Variants in KIAA1217 observed in about 807,000 individuals in gnomAD.
The protein encoded by KIAA1217 is KIAA1217.
KIAA1217 carries 88 observed loss-of-function variants against 163.9 expected under a neutral mutation model. That is an observed-to-expected ratio of 0.54 (90% confidence interval 0.45 to 0.64). The LOEUF is 0.64. KIAA1217 is among the 30% of genes least tolerant of loss of function. The pLI is 0.00. For missense variants in KIAA1217, 2,372 were observed against 2,475.0 expected, an observed-to-expected ratio of 0.96 and a Z score of 0.88; for synonymous variants, 903 against 923.1, an observed-to-expected ratio of 0.98 and a Z score of 0.39.
chr10:24,436,544 G>A (rs938919311), intron 4 of KIAA1217, among the ~76,000 whole-genome samples: 7 of 151,332 alleles, frequency 4.6e-5, no homozygotes, highest in Admixed American at 3.3e-4. Flanking sequence ...GGATCACGAG[G>A]TCAGGAGATC....
At chr10:23,740,013 T>C (rs769782652) in intron 1 of KIAA1217, among the ~76,000 whole-genome samples, 33 of 147,944 alleles carry the variant, frequency 2.2e-4, no homozygotes, top group Non-Finnish European at 4.0e-4. Context: ...TGAGGGGAGA[T>C]GAGATTTGGT....
chr10:24,112,209 C>T (rs2062875200), intron 2 of KIAA1217, among the ~76,000 whole-genome samples: 1 of 152,136 alleles, frequency 6.6e-6, no homozygotes, highest in African/African-American at 2.4e-5. Context: ...TTGAGGTATC[C>T]TGAATAGTAG....
intron 1 of KIAA1217, among the ~76,000 whole-genome samples, chr10:23,923,908 A>C (rs1842933153): frequency 6.6e-6 from 1 of 152,178 alleles, no homozygotes; most frequent in Non-Finnish European, 1.5e-5. Context: ...TTGGAAGTGA[A>C]ATTTAAAATG....
At chr10:23,832,450 C>T (rs1177282108) in intron 1 of KIAA1217, among the ~76,000 whole-genome samples, 1 of 152,118 alleles carries the variant, frequency 6.6e-6, no homozygotes, top group East Asian at 1.9e-4. Context: ...GACTTCATTG[C>T]ATAAGGATGT....
chr10:24,040,545 G>A (rs572247827), intron 2 of KIAA1217, among the ~76,000 whole-genome samples: 1 of 152,360 alleles, frequency 6.6e-6, no homozygotes, highest in South Asian at 2.1e-4. Context: ...AAAAGGGCTA[G>A]CTTAAATTTT....
intron 1 of KIAA1217, among the ~76,000 whole-genome samples, chr10:23,879,585 AT>A (rs1564501530): frequency 6.6e-6 from 1 of 151,932 alleles, no homozygotes. Flanking sequence ...CAAAAGCTGT[AT>A]CAGTAGTCCA....
intron 1 of KIAA1217, among the ~76,000 whole-genome samples, chr10:23,754,620 C>A (rs965907355): frequency 7.2e-5 from 11 of 152,156 alleles, no homozygotes; most frequent in Non-Finnish European, 5.9e-5. Context: ...TAGCTTCTCC[C>A]GCTCTCTCTA....
chr10:23,750,205 C>A (rs1286188065), intron 1 of KIAA1217, among the ~76,000 whole-genome samples: 2 of 152,160 alleles, frequency 1.3e-5, no homozygotes, highest in East Asian at 3.8e-4. Context: ...AAATGAAAAT[C>A]TGATCATGTC....
At chr10:23,936,387 T>C (rs558301499) in intron 1 of KIAA1217, among the ~76,000 whole-genome samples, 1 of 152,304 alleles carries the variant, frequency 6.6e-6, no homozygotes, top group East Asian at 1.9e-4. Flanking sequence ...ACAAGAGATA[T>C]GTCTAGGTTC....
intron 2 of KIAA1217, among the ~76,000 whole-genome samples, chr10:24,083,246 C>T (rs2061594539): frequency 6.6e-6 from 1 of 152,322 alleles, no homozygotes; most frequent in South Asian, 2.1e-4. Flanking sequence ...TCTGTTGCTG[C>T]TGTCTTTTGT....
At chr10:23,739,966 C>A (rs11013688) in intron 1 of KIAA1217, among the ~76,000 whole-genome samples, 25,825 of 151,928 alleles carry the variant, frequency 0.17, 2,383 homozygotes, top group Middle Eastern at 0.24. Flanking sequence ...TGCCTGGGAA[C>A]CAAAATTGAG....
chr10:23,815,600 G>T (rs970919086), intron 1 of KIAA1217, among the ~76,000 whole-genome samples: 4 of 152,050 alleles, frequency 2.6e-5, no homozygotes, highest in African/African-American at 7.2e-5. Flanking sequence ...GCTGAGATCA[G>T]GCCACTGCAC....
At chr10:23,966,689 A>G (rs1183020738) in intron 1 of KIAA1217, among the ~76,000 whole-genome samples, 2 of 152,236 alleles carry the variant, frequency 1.3e-5, no homozygotes, top group African/African-American at 2.4e-5. Flanking sequence ...TTAGTCTTCC[A>G]GAGAAAGAGG....
chr10:24,469,606 A>G (rs2063288307), intron 5 of KIAA1217, among the ~76,000 whole-genome samples: 1 of 152,028 alleles, frequency 6.6e-6, no homozygotes. Flanking sequence ...GGTTCTAGAT[A>G]TTATATTGAT....
rs114685305 is a variant in KIAA1217 at position 23,803,577 on chromosome 10, C to T, written c.-321+108343C>T. Among the ~76,000 whole-genome samples the T allele has an allele frequency of 2.1e-3, 315 of 152,328 alleles. 1 individual carries two copies. The highest frequency in any genetic ancestry group is 7.1e-3 in the African/African-American group (297 of 41,574). On this transcript the variant is annotated intron_variant, in intron 1 of 18. Coordinates refer to the KIAA1217 transcript ENST00000376462. ...GCTGTCCTCATGCCCCATAGGAGTC[C>T]TGCTCCCAAGGCACTCCCCAGTGAA...
At chr10:24,310,580 C>T (rs1432803956) in intron 2 of KIAA1217, among the ~76,000 whole-genome samples, 1 of 152,186 alleles carries the variant, frequency 6.6e-6, no homozygotes, top group Non-Finnish European at 1.5e-5. Context: ...CACCACTCCC[C>T]CATCTCTAGC....
intron 2 of KIAA1217, among the ~76,000 whole-genome samples, chr10:24,058,164 T>C (rs753438455): frequency 3.4e-4 from 52 of 152,196 alleles, no homozygotes; most frequent in Non-Finnish European, 7.4e-5. Flanking sequence ...CCCTTCCCCA[T>C]TGTGTACCTT....
At chr10:24,339,160 A>G (rs1227310862) in intron 2 of KIAA1217, among the ~76,000 whole-genome samples, 1 of 151,972 alleles carries the variant, frequency 6.6e-6, no homozygotes, top group Non-Finnish European at 1.5e-5. Flanking sequence ...TTCTCACACT[A>G]TTTTCCTTAT....
intron 1 of KIAA1217, among the ~76,000 whole-genome samples, chr10:23,757,399 G>A (rs116736263): frequency 0.013 from 2,042 of 151,980 alleles, 44 homozygotes; most frequent in African/African-American, 0.047. Flanking sequence ...TTTATATTTT[G>A]TTCTTAATTA....
Sources: gnomAD v4.1 joint callset for allele counts (sites outside exome capture counted in the v4.1 genomes callset) on GRCh38, gnomAD v4.1.1 for gene constraint, MANE v1.5 for transcripts, NCBI Gene and HGNC (gene_info 2026-07-23, HGNC 2026-07-21) for gene names.